MFN1: variants seen among roughly 807,000 people sequenced by gnomAD.
The protein encoded by MFN1 is mitofusin-1.
A neutral mutation model predicts 92.4 loss-of-function variants in MFN1; 65 were observed. The ratio of observed to expected loss-of-function variants is 0.70; its 90% CI spans 0.58 to 0.86. The LOEUF is 0.86. MFN1 is among the 40% of genes least tolerant of loss of function. The probability of loss-of-function intolerance (pLI) is 0.00; values close to 1 mark genes in which losing one functional copy is unlikely to be tolerated. For synonymous variants in MFN1, 297 were observed against 300.9 expected (o/e 0.99, Z 0.13); for missense variants, 781 against 868.0 (o/e 0.90, Z 1.26).
chr3:179,352,788 G>T (rs1247569325), intron 3 of MFN1, among the ~76,000 whole-genome samples: 2 of 151,296 alleles, frequency 1.3e-5, no homozygotes, highest in Non-Finnish European at 2.9e-5. Flanking sequence ...GTCTCACTCT[G>T]TCTCCCACGC....
Position 179,366,539 on chromosome 3 carries a change from A to G in MFN1, c.754-900A>G, listed in dbSNP as rs968980951. On this transcript the variant is annotated intron_variant, in intron 7 of 17. Coordinates refer to ENST00000471841, the MANE Select transcript of MFN1 (RefSeq NM_033540.3). ...GATTATTATATGTAGAGGACAAGAT[A>G]AAAATAACTTAAACTATCCCATCAC... 7.9e-5 allele frequency among the ~76,000 whole-genome samples: 12 copies of G among 152,182 alleles called. 1 individual carries two copies. The highest frequency in any genetic ancestry group is 1.8e-4 in the Non-Finnish European group (12 of 68,034).
chr3:179,383,043 C>T (rs544195309), intron 14 of MFN1, among the ~76,000 whole-genome samples: 82 of 152,244 alleles, frequency 5.4e-4, no homozygotes, highest in African/African-American at 1.9e-3. Flanking sequence ...ATGGTAGTTT[C>T]TTTTGCTGTG....
At position 179,367,502 on chromosome 3, in the gene MFN1, G is replaced by A. The variant is rs760887532; in HGVS notation, c.817G>A (p.Ala273Thr). 3.7e-6 allele frequency: 6 copies of A among 1,613,380 alleles called. No homozygotes were observed. The East Asian group carries it at 6.7e-5, about 18-fold the overall frequency. The change falls in exon 8 of 18, where the codon GCT (alanine) becomes ACT (threonine). Residue 273 changes from alanine to threonine, a missense_variant. Coordinates refer to ENST00000471841, the MANE Select transcript of MFN1 (RefSeq NM_033540.3). ...GGTGGAGGAGCTCAAAGTTGTAAAT[G>A]CTTTAGAAGCACAGAATCGTATCTT... ...FLVEELKVVN[A>T]LEAQNRIFFV...
At chr3:179,375,920 G>T (rs1713223130) in intron 10 of MFN1, among the ~76,000 whole-genome samples, 1 of 152,094 alleles carries the variant, frequency 6.6e-6, no homozygotes, top group African/African-American at 2.4e-5. Context: ...CAGCATTATC[G>T]ATACAAAGTA....
At chr3:179,353,085 C>T (rs1463589010) in intron 3 of MFN1, among the ~76,000 whole-genome samples, 2 of 127,566 alleles carry the variant, frequency 1.6e-5, no homozygotes, top group Non-Finnish European at 3.2e-5. Flanking sequence ...GACAGAGTCT[C>T]AGTCCGTTGC....
intron 1 of MFN1, 77 bp from the exon 2 acceptor site, chr3:179,348,768 A>C: frequency 1.9e-6 from 3 of 1,539,806 alleles, no homozygotes; most frequent in Non-Finnish European, 2.7e-6. Context: ...GAGTTGATGA[A>C]TGTCACTGGT....
At chr3:179,373,669 A>G (rs904796028) in intron 9 of MFN1, among the ~76,000 whole-genome samples, 4 of 151,962 alleles carry the variant, frequency 2.6e-5, no homozygotes, top group Non-Finnish European at 5.9e-5. Context: ...AAAATTTTAT[A>G]AATTTTTATT....
intron 14 of MFN1, among the ~76,000 whole-genome samples, chr3:179,384,245 T>G (rs1370023974): frequency 6.6e-6 from 1 of 152,220 alleles, no homozygotes; most frequent in Non-Finnish European, 1.5e-5. Flanking sequence ...TAGGGTAGTT[T>G]GTAGTTTTTG....
intron 4 of MFN1, among the ~76,000 whole-genome samples, chr3:179,361,598 G>A (rs1196303965): frequency 3.3e-5 from 5 of 150,848 alleles, no homozygotes; most frequent in African/African-American, 9.8e-5. Flanking sequence ...GTGCAGTGGC[G>A]TGATCTTGGC....
chr3:179,382,690 A>C (rs1324778281), intron 14 of MFN1, among the ~76,000 whole-genome samples: 1 of 152,244 alleles, frequency 6.6e-6, no homozygotes, highest in Non-Finnish European at 1.5e-5. Flanking sequence ...TCCCACCAAC[A>C]GTGTAAAAGT....
At chr3:179,353,950 T>A (rs367818593) in intron 3 of MFN1, among the ~76,000 whole-genome samples, 1 of 152,386 alleles carries the variant, frequency 6.6e-6, no homozygotes, top group African/African-American at 2.4e-5. Flanking sequence ...CCTATCTAAA[T>A]TATTCCTTCT....
rs563421013 is a variant in MFN1 at position 179,359,287 on chromosome 3, ATTTTTGTAT to A, written c.411+290_411+298del. Among the ~76,000 whole-genome samples, 414 of 151,326 alleles carry A rather than the reference ATTTTTGTAT, an allele frequency of 2.7e-3. 2 individuals are homozygous for A. The highest frequency in any genetic ancestry group is 9.5e-3 in the African/African-American group (391 of 41,180). Reference sequence around the variant, plus strand: ...AGGCGTGCGCCACCACACCCGGCTAATTTTTGTATTTTTAGTAGAGATGGGGGTTTCACC... The same window carrying A: ...AGGCGTGCGCCACCACACCCGGCTAATTTTAGTAGAGATGGGGGTTTCACC... On this transcript the variant is annotated intron_variant, in intron 4 of 17. Transcript: ENST00000471841.
intron 9 of MFN1, among the ~76,000 whole-genome samples, chr3:179,368,515 A>G (rs952454328): frequency 1.3e-4 from 20 of 152,230 alleles, no homozygotes; most frequent in Admixed American, 5.9e-4. Context: ...AGTATACAAA[A>G]CATGATTAAT....
chr3:179,375,623 T>G (rs1265725590), intron 10 of MFN1, among the ~76,000 whole-genome samples: 6 of 152,248 alleles, frequency 3.9e-5, no homozygotes, highest in Non-Finnish European at 8.8e-5. Flanking sequence ...TTTGAAGCAG[T>G]GGAAGAACCA....
intron 8 of MFN1, 140 bp from the exon 9 acceptor site, chr3:179,367,896 T>G (rs1712862430): frequency 2.2e-6 from 1 of 444,494 alleles, no homozygotes; most frequent in Admixed American, 5.0e-5. Flanking sequence ...GCACTCCAGC[T>G]CTGGGCAACA....
At position 179,377,229 on chromosome 3, in the gene MFN1, A is replaced by T. The variant is rs1175017078; in HGVS notation, c.1224+61A>T. The T allele has an allele frequency of 7.0e-6, 11 of 1,564,536 alleles. No individual in the cohort carries two copies. The African/African-American group carries it at 1.5e-4, about 21-fold the overall frequency. On this transcript the variant is annotated intron_variant, in intron 11 of 17. Transcript: ENST00000471841. ...GATGGAAATTATTTTTGATAATGCT[A>T]AAAATGTTATTCCTGTTACTTTAAA...
At chr3:179,381,035 GTTCA>G (rs1713445704) in intron 14 of MFN1, among the ~76,000 whole-genome samples, 1 of 152,194 alleles carries the variant, frequency 6.6e-6, no homozygotes, top group Non-Finnish European at 1.5e-5. Flanking sequence ...GGTTTCAGTT[GTTCA>G]TTCATTAACT....
At chr3:179,391,393 T>C (rs560912797) in intron 17 of MFN1, among the ~76,000 whole-genome samples, 1 of 152,266 alleles carries the variant, frequency 6.6e-6, no homozygotes, top group East Asian at 1.9e-4. Context: ...GAATTTCCAT[T>C]TTTTACTAGA....
intron 9 of MFN1, among the ~76,000 whole-genome samples, chr3:179,374,339 T>TATATATAAC (rs1157603991): frequency 1.4e-5 from 2 of 142,590 alleles, no homozygotes; most frequent in Non-Finnish European, 3.1e-5. Context: ...ATATGTAATA[T>TATATATAAC]ATATATAACA....
Sources: allele counts gnomAD v4.1 joint callset (sites outside exome capture counted in the v4.1 genomes callset), GRCh38; gene constraint gnomAD v4.1.1; transcripts MANE v1.5; gene names NCBI Gene and HGNC (gene_info 2026-07-23, HGNC 2026-07-21).